The following SLC47A1 variants were observed in gnomAD, a reference collection of about 807,000 sequenced individuals.
SLC47A1 encodes the protein solute carrier family 47 member 1.
SLC47A1 carries 58 observed loss-of-function variants against 65.8 expected under a neutral mutation model. That is an observed-to-expected ratio of 0.88 (90% CI 0.71 to 1.10). SLC47A1 has a LOEUF of 1.10. Ranked by LOEUF, SLC47A1 falls within the 50% of genes least tolerant of loss-of-function variation. The pLI, the probability that SLC47A1 is intolerant of heterozygous loss-of-function variation, is 0.00. For missense variants in SLC47A1, 706 were observed against 719.2 expected (o/e 0.98, Z 0.21); for synonymous variants, 285 against 295.0 (o/e 0.97, Z 0.35).
At chr17:19,547,745 CAG>C (rs1283283378) in intron 3 of SLC47A1, among the ~76,000 whole-genome samples, 1 of 94,106 alleles carries the variant, frequency 1.1e-5, no homozygotes, top group Non-Finnish European at 2.0e-5. Context: ...TTTTTTGAGA[CAG>C]AGTCTTGCTG....
chr17:19,577,575 G>A lies in SLC47A1; in HGVS notation c.*22G>A. Reference sequence around the variant, plus strand: ...GTGACGTGGTAGGAAAGAAAGTCAGGTCAAGTGATGCTTTTGAGCTTACAC... The same window carrying A: ...GTGACGTGGTAGGAAAGAAAGTCAGATCAAGTGATGCTTTTGAGCTTACAC... On this transcript the variant is annotated 3_prime_UTR_variant, in exon 17 of 17. Coordinates refer to ENST00000270570, the MANE Select transcript of SLC47A1 (RefSeq NM_018242.3). 2 of 1,613,326 alleles carry A rather than the reference G, an allele frequency of 1.2e-6. No homozygotes were observed. Among genetic ancestry groups the A allele is most frequent in the Non-Finnish European group, 1.7e-6 (2 of 1,179,600 alleles).
At chr17:19,544,100 A>G (rs1349657128) in intron 2 of SLC47A1, among the ~76,000 whole-genome samples, 1 of 152,046 alleles carries the variant, frequency 6.6e-6, no homozygotes, top group Non-Finnish European at 1.5e-5. Context: ...ACATGCCACC[A>G]CACCCAGCTA....
intron 7 of SLC47A1, 75 bp downstream of exon 7, chr17:19,555,384 G>T: frequency 1.4e-6 from 2 of 1,466,700 alleles, no homozygotes. Context: ...AGAAGAGTGG[G>T]CTCTTCAGCT....
chr17:19,575,606 C>T (rs1469382818), intron 16 of SLC47A1, among the ~76,000 whole-genome samples: 1 of 152,098 alleles, frequency 6.6e-6, no homozygotes, highest in Non-Finnish European at 1.5e-5. Context: ...TGCTTTGCAG[C>T]CCAGGTTGGT....
chr17:19,575,397 A>AT (rs1234867198), intron 16 of SLC47A1, among the ~76,000 whole-genome samples: 2 of 129,922 alleles, frequency 1.5e-5, no homozygotes, highest in African/African-American at 2.9e-5. Context: ...TCTTATTATT[A>AT]TTCCTTTTTT....
rs1228117204 is a variant in SLC47A1, at chr17:19,578,152, A to T, written c.*599A>T. ...GGGTATGCCACCATGCCCAGCTGGCATTTGTTAATCTTCATTTGAGGTCTA... is the reference window on the plus strand; with the variant it reads ...GGGTATGCCACCATGCCCAGCTGGCTTTTGTTAATCTTCATTTGAGGTCTA... On this transcript the variant is annotated 3_prime_UTR_variant, in exon 17 of 17. Coordinates refer to ENST00000270570, the MANE Select transcript of SLC47A1 (RefSeq NM_018242.3). 2.3e-6 allele frequency: 1 copy of T among 425,672 alleles called. No individual in the cohort carries two copies. The highest frequency in any genetic ancestry group is 3.0e-5 in the Admixed American group (1 of 33,854). The allele number at this position is 425,672 out of a possible 1,614,324, so 26.4% of individuals were successfully genotyped here. A position where few individuals can be genotyped will look rare whatever the true frequency, so the allele number is the denominator to read the frequency against.
intron 3 of SLC47A1, 33 bp downstream of exon 3, chr17:19,546,536 C>T (rs1172359514): frequency 2.5e-6 from 4 of 1,602,100 alleles, no homozygotes; most frequent in African/African-American, 2.7e-5. Context: ...TCACAGTGAC[C>T]TCAAACATCT....
chr17:19,554,341 G>A (rs1294198990), intron 6 of SLC47A1, among the ~76,000 whole-genome samples: 1 of 152,174 alleles, frequency 6.6e-6, no homozygotes, highest in African/African-American at 2.4e-5. Context: ...GCCACATCCA[G>A]GAGCTCCCAC....
intron 6 of SLC47A1, among the ~76,000 whole-genome samples, chr17:19,554,596 G>A (rs889916202): frequency 3.2e-4 from 49 of 152,128 alleles, no homozygotes; most frequent in African/African-American, 1.1e-3. Context: ...TTCCTTTTAC[G>A]TTTGCACTGA....
intron 7 of SLC47A1, 60 bp downstream of exon 7, chr17:19,555,369 G>A: frequency 6.4e-7 from 1 of 1,565,168 alleles, no homozygotes; most frequent in Admixed American, 1.7e-5. Flanking sequence ...GTTTTTCCAG[G>A]AGGGAGAAGA....
chr17:19,550,123 G>GT, intron 5 of SLC47A1, among the ~76,000 whole-genome samples: 1 of 152,150 alleles, frequency 6.6e-6, no homozygotes, highest in East Asian at 1.9e-4. Context: ...TTTTTTGTTT[G>GT]TTTGTTTGGT....
At chr17:19,555,139 TG>T in intron 6 of SLC47A1, 72 bp from the exon 7 acceptor site, 1 of 1,379,302 alleles carries the variant, frequency 7.3e-7, no homozygotes, top group Admixed American at 1.7e-5. Context: ...CTGGAGCCTG[TG>T]TGTGCTTGGG....
rs763907464 is a variant in SLC47A1 at position 19,546,441 on chromosome 17, A to G, written c.244A>G (p.Asn82Asp). The stretch of plus-strand genomic sequence containing the variant: ...TCTTTGGGTTTATTTGCAGGTTATC[A>G]ATGTCACTGGTGTCTCAGTGGGATT... The part of the protein sequence containing the change: ...DAVTLAIAVI[N>D]VTGVSVGFGL... The change falls in exon 3 of 17, where the codon AAT becomes GAT. Residue 82 changes from asparagine to aspartate, a missense_variant. Coordinates refer to ENST00000270570, the MANE Select transcript of SLC47A1 (RefSeq NM_018242.3). 6.8e-6 allele frequency: 11 copies of G among 1,613,598 alleles called. No homozygotes were observed. The highest frequency in any genetic ancestry group is 9.3e-6 in the Non-Finnish European group (11 of 1,179,916).
At chr17:19,545,304 C>A (rs1361559443) in intron 2 of SLC47A1, among the ~76,000 whole-genome samples, 2 of 151,962 alleles carry the variant, frequency 1.3e-5, no homozygotes, top group Non-Finnish European at 2.9e-5. Flanking sequence ...AAGTGATTCT[C>A]CTGCCTCAGC....
rs1253722360 is a variant in SLC47A1, at chr17:19,555,578, G to T, written c.642-15G>T. The T allele has an allele frequency of 2.5e-6, 4 of 1,613,222 alleles. No individual in the cohort carries two copies. The highest frequency in any genetic ancestry group is 3.4e-6 in the Non-Finnish European group (4 of 1,179,330). On this transcript the variant is annotated splice_polypyrimidine_tract_variant and intron_variant, in intron 7 of 16. Coordinates refer to ENST00000270570, the MANE Select transcript of SLC47A1 (RefSeq NM_018242.3). ...CAGGAAGGTACCTCCCTCTCATTGGGACTGTTCTTTCCAGAGGCTCTGCAC... is the reference window on the plus strand; with the variant it reads ...CAGGAAGGTACCTCCCTCTCATTGGTACTGTTCTTTCCAGAGGCTCTGCAC...
Position 19,577,735 on chromosome 17 carries a change from T to C in SLC47A1, c.*182T>C. ...AAAGCAACTAAGGTTAAAAGCTATATTGTGGCCCAAGACACTGTCTGAAAG... is the reference window on the plus strand; with the variant it reads ...AAAGCAACTAAGGTTAAAAGCTATACTGTGGCCCAAGACACTGTCTGAAAG... On this transcript the variant is annotated 3_prime_UTR_variant, in exon 17 of 17. Coordinates refer to ENST00000270570, the MANE Select transcript of SLC47A1 (RefSeq NM_018242.3). 7.0e-7 allele frequency: 1 copy of C among 1,420,386 alleles called. No individual in the cohort carries two copies. The highest frequency in any genetic ancestry group is 9.1e-7 in the Non-Finnish European group (1 of 1,093,160). 88.0% of individuals were successfully genotyped at this position (1,420,386 alleles called of 1,614,324 possible).
chr17:19,540,189 A>G (rs1036824168), intron 1 of SLC47A1, among the ~76,000 whole-genome samples: 2 of 152,190 alleles, frequency 1.3e-5, no homozygotes, highest in African/African-American at 4.8e-5. Context: ...TGTTCAAGGC[A>G]GTGCAATTTG....
rs1295490722 is a variant in SLC47A1 at position 19,578,068 on chromosome 17, G to A, written c.*515G>A. 6 of 884,862 alleles carry A rather than the reference G, an allele frequency of 6.8e-6. No homozygotes were observed. Among genetic ancestry groups the A allele is most frequent in the South Asian group, 2.8e-5 (2 of 72,700 alleles). 54.8% of individuals were successfully genotyped at this position (884,862 alleles called of 1,614,324 possible). On this transcript the variant is annotated 3_prime_UTR_variant, in exon 17 of 17. Transcript: ENST00000270570. ...TGCGATCATAGCTCACTGCAGCCTC[G>A]AACTCTTGGGCTTCAAGCAATCCTC...
chr17:19,547,347 C>CTTTTT (rs34710264), intron 3 of SLC47A1, among the ~76,000 whole-genome samples: 1 of 115,052 alleles, frequency 8.7e-6, no homozygotes, highest in Admixed American at 9.3e-5. Context: ...CCCAGCCTGG[C>CTTTTT]TTTTTTTTTT....
Sources: gnomAD v4.1 joint callset for allele counts (sites outside exome capture counted in the v4.1 genomes callset) on GRCh38, gnomAD v4.1.1 for gene constraint, MANE v1.5 for transcripts, NCBI Gene and HGNC (gene_info 2026-07-23, HGNC 2026-07-21) for gene names.